Variants in FILIP1L observed in about 807,000 individuals in gnomAD.
The protein encoded by FILIP1L is filamin A interacting protein 1 like, also known as filamin A-interacting protein 1-like.
Under a neutral mutation model 96.6 loss-of-function variants are expected in FILIP1L, and 55 were observed. The observed-to-expected ratio is 0.57, with a 90% CI of 0.46 to 0.71. The LOEUF is 0.71. Among genes scored for constraint, FILIP1L ranks in the 30% least tolerant of loss-of-function variants. The probability of loss-of-function intolerance (pLI) is 0.00; values close to 1 mark genes in which losing one functional copy is unlikely to be tolerated. For missense variants in FILIP1L, 1,304 were observed against 1,321.2 expected (o/e 0.99, Z 0.20); for synonymous variants, 467 against 473.9 (o/e 0.99, Z 0.19).
At chr3:99,996,369 A>G (rs901758239) in intron 1 of FILIP1L, among the ~76,000 whole-genome samples, 1 of 152,194 alleles carries the variant, frequency 6.6e-6, no homozygotes, top group African/African-American at 2.4e-5. Context: ...TATCACTGCC[A>G]GGCCTTGGTC....
chr3:99,933,221 G>C (rs1400979536), intron 1 of FILIP1L, among the ~76,000 whole-genome samples: 2 of 152,144 alleles, frequency 1.3e-5, no homozygotes, highest in Admixed American at 6.5e-5. Flanking sequence ...ATATACACTG[G>C]TACAAATACC....
intron 1 of FILIP1L, among the ~76,000 whole-genome samples, chr3:100,014,869 C>CTTTTTTTTTTTTTTTT (rs1559725848): frequency 5.4e-5 from 1 of 18,528 alleles, no homozygotes; most frequent in Admixed American, 4.8e-4. Flanking sequence ...TTGTCTTTTT[C>CTTTTTTTTTTTTTTTT]TTTTCTTTTT....
chr3:99,886,750 T>A (rs1263127532), intron 4 of FILIP1L, among the ~76,000 whole-genome samples: 1 of 151,426 alleles, frequency 6.6e-6, no homozygotes, highest in Non-Finnish European at 1.5e-5. Flanking sequence ...GGTTAGGAGT[T>A]CGAGACCAGC....
chr3:99,854,083 AC>A (rs1943839757), intron 4 of FILIP1L, among the ~76,000 whole-genome samples: 1 of 152,170 alleles, frequency 6.6e-6, no homozygotes, highest in Admixed American at 6.5e-5. Flanking sequence ...TGAATGGTCC[AC>A]CCTAAATCGT....
At chr3:99,953,197 G>A (rs568400131) in intron 1 of FILIP1L, among the ~76,000 whole-genome samples, 2 of 152,204 alleles carry the variant, frequency 1.3e-5, no homozygotes, top group South Asian at 4.1e-4. Flanking sequence ...TACTTCCTCT[G>A]TGTTGTCAAC....
rs747592062 is a variant in FILIP1L, at chr3:100,085,019, C to T, written c.-11+29034G>A. Among the ~76,000 whole-genome samples, 7 of 152,138 alleles carry T rather than the reference C, an allele frequency of 4.6e-5. No homozygotes were observed. The East Asian group carries it at 7.7e-4, about 17-fold the overall frequency. ...TTTTCTGTCATTTGTTGAATTGTGG[C>T]GCACTTTTAAATATGTATGTATGGT... On this transcript the variant is annotated intron_variant, in intron 1 of 5. Transcript: ENST00000477258.
rs1943578066 is a variant in FILIP1L at position 99,849,915 on chromosome 3, C to T, written c.1761G>A (p.Met587Ile). 6.2e-7 allele frequency: 1 copy of T among 1,611,758 alleles called. No homozygotes were observed. The highest frequency in any genetic ancestry group is 1.3e-5 in the African/African-American group (1 of 74,870). ...CCAATGATTGAAGCCTATTTTTCAA[C>T]ATATTAACTCTTGACAGGAGATCAT... Reference protein sequence around the residue: ...KGNDLLSRVNMLKNRLQSLEA... With the variant: ...KGNDLLSRVNILKNRLQSLEA... Residue 587 changes from methionine to isoleucine, a missense_variant, in exon 5 of 6, where the codon ATG (methionine) becomes ATA (isoleucine). Transcript: ENST00000477258.
chr3:100,062,085 G>GTCT (rs2065576786), intron 1 of FILIP1L, among the ~76,000 whole-genome samples: 3 of 94,552 alleles, frequency 3.2e-5, no homozygotes, highest in Admixed American at 1.1e-4. Flanking sequence ...TGGTTATCCT[G>GTCT]TCTTCTTCTT....
intron 5 of FILIP1L, among the ~76,000 whole-genome samples, chr3:99,841,397 G>T (rs555791124): frequency 1.3e-5 from 2 of 152,224 alleles, no homozygotes; most frequent in Admixed American, 6.5e-5. Flanking sequence ...GCCTTTTGCC[G>T]GAACAGCAGA....
chr3:99,890,248 T>C (rs1706040695), intron 4 of FILIP1L, among the ~76,000 whole-genome samples: 2 of 152,268 alleles, frequency 1.3e-5, no homozygotes, highest in Admixed American at 6.5e-5. Context: ...TATCTAATTG[T>C]CATTCCTTTT....
intron 5 of FILIP1L, among the ~76,000 whole-genome samples, chr3:99,841,709 A>T (rs1171816123): frequency 6.6e-6 from 1 of 152,210 alleles, no homozygotes; most frequent in Admixed American, 6.5e-5. Flanking sequence ...AGATATACAA[A>T]TGGCAAACAC....
intron 1 of FILIP1L, among the ~76,000 whole-genome samples, chr3:100,010,702 C>T (rs1443428682): frequency 1.4e-5 from 2 of 147,200 alleles, no homozygotes; most frequent in African/African-American, 4.9e-5. Flanking sequence ...GCAACTTCTA[C>T]CTCCCGGGTT....
intron 1 of FILIP1L, among the ~76,000 whole-genome samples, chr3:100,001,454 C>T (rs1476387453): frequency 2.0e-5 from 3 of 152,106 alleles, no homozygotes; most frequent in African/African-American, 7.2e-5. Flanking sequence ...AAGATTATAC[C>T]ATCAGTAATC....
At chr3:100,019,315 A>T (rs1167281681) in intron 1 of FILIP1L, among the ~76,000 whole-genome samples, 1 of 152,140 alleles carries the variant, frequency 6.6e-6, no homozygotes, top group Non-Finnish European at 1.5e-5. Context: ...AGCTATGATC[A>T]TGCCACTGCA....
chr3:99,885,649 G>A (rs1039953166), intron 4 of FILIP1L, among the ~76,000 whole-genome samples: 3 of 152,176 alleles, frequency 2.0e-5, no homozygotes, highest in Non-Finnish European at 4.4e-5. Flanking sequence ...CTGACTTTTA[G>A]TTAAAAACAA....
intron 4 of FILIP1L, among the ~76,000 whole-genome samples, chr3:99,896,740 G>A (rs1301410184): frequency 2.6e-5 from 4 of 152,190 alleles, no homozygotes; most frequent in Admixed American, 2.6e-4. Context: ...GTTCAGTAGA[G>A]TTTTGAGATT....
Position 99,984,481 on chromosome 3 carries a change from C to G in FILIP1L, c.-10-53451G>C, listed in dbSNP as rs567946556. Among the ~76,000 whole-genome samples, 44 of 152,292 alleles carry G rather than the reference C, an allele frequency of 2.9e-4. No homozygotes were observed. The South Asian group carries it at 3.1e-3, about 11-fold the overall frequency. On this transcript the variant is annotated intron_variant, in intron 1 of 5. Coordinates refer to ENST00000477258, the MANE Select transcript of FILIP1L (RefSeq NM_001387850.1). ...ACTCTAAAGATTTGTGAAATTCTATCATTTGCATTAACTTTCTGATAAATT... is the reference window on the plus strand; with the variant it reads ...ACTCTAAAGATTTGTGAAATTCTATGATTTGCATTAACTTTCTGATAAATT...
Position 99,850,800 on chromosome 3 carries a change from C to T in FILIP1L, c.876G>A (p.Glu292=), listed in dbSNP as rs1435529141. 9 of 1,614,070 alleles carry T rather than the reference C, an allele frequency of 5.6e-6. No homozygotes were observed. Among genetic ancestry groups the T allele is most frequent in the African/African-American group, 1.3e-5 (1 of 74,922 alleles). The stretch of plus-strand genomic sequence containing the variant: ...TTGTGGTCTGCGTTTGCAGTTCCTT[C>T]TCTAGTCTGGTTGCCTTCTGCTCTT... The part of the protein sequence containing the change: ...QEEEQKATRL[E]KELQTQTTKF... Residue 292 remains glutamate, a synonymous_variant, in exon 5 of 6, where the codon GAG becomes GAA. Coordinates refer to ENST00000477258, the MANE Select transcript of FILIP1L (RefSeq NM_001387850.1).
chr3:99,906,885 A>G (rs1706635095), intron 4 of FILIP1L, among the ~76,000 whole-genome samples: 1 of 152,224 alleles, frequency 6.6e-6, no homozygotes, highest in Non-Finnish European at 1.5e-5. Flanking sequence ...ACCATGCCCT[A>G]TAACAGAGAT....
Sources: gnomAD v4.1 joint callset for allele counts (sites outside exome capture counted in the v4.1 genomes callset) on GRCh38, gnomAD v4.1.1 for gene constraint, MANE v1.5 for transcripts, NCBI Gene and HGNC (gene_info 2026-07-23, HGNC 2026-07-21) for gene names.